Variants in PPARGC1A observed in about 807,000 individuals in gnomAD.
PPARGC1A encodes PPARG coactivator 1 alpha, also known as peroxisome proliferator-activated receptor gamma coactivator 1-alpha.
A neutral mutation model predicts 88.7 loss-of-function variants in PPARGC1A; 25 were observed. That is an observed-to-expected ratio of 0.28 (90% confidence interval 0.21 to 0.39). The LOEUF is 0.39. Among genes scored for constraint, PPARGC1A ranks in the 10% least tolerant of loss-of-function variants. PPARGC1A has a pLI of 1.00. For missense variants in PPARGC1A, 880 were observed against 968.7 expected (o/e 0.91, Z 1.22); for synonymous variants, 363 against 355.6 (o/e 1.02, Z -0.24).
the PPARGC1A span, among the ~76,000 whole-genome samples, chr4:24,305,709 G>C: frequency 3.3e-5 from 5 of 152,166 alleles, no homozygotes; most frequent in Non-Finnish European, 5.9e-5. Flanking sequence ...CTAATCGGGA[G>C]GCTGAGGCAG....
chr4:24,082,356 C>A, the PPARGC1A span, among the ~76,000 whole-genome samples: 1 of 152,140 alleles, frequency 6.6e-6, no homozygotes, highest in Non-Finnish European at 1.5e-5. Context: ...GAGAGAGGTG[C>A]CACGTGATCC....
the PPARGC1A span, among the ~76,000 whole-genome samples, chr4:24,453,241 G>C: frequency 6.6e-6 from 1 of 152,174 alleles, no homozygotes. Flanking sequence ...TTCAACCTTC[G>C]GAACTGTGAG....
chr4:23,872,873 T>G (rs1051714564), intron 2 of PPARGC1A, among the ~76,000 whole-genome samples: 4 of 152,160 alleles, frequency 2.6e-5, no homozygotes, highest in Non-Finnish European at 5.9e-5. Flanking sequence ...AACTGAGAGC[T>G]TTAGCCAGTG....
chr4:23,899,928 C>A (rs114836866), upstream of PPARGC1A, among the ~76,000 whole-genome samples: 264 of 151,984 alleles, frequency 1.7e-3, 1 homozygote, highest in African/African-American at 6.1e-3. Flanking sequence ...GTATCATATA[C>A]TTCGATAACA....
chr4:24,092,268 C>T, the PPARGC1A span, among the ~76,000 whole-genome samples: 206 of 152,130 alleles, frequency 1.4e-3, no homozygotes, highest in African/African-American at 4.6e-3. Context: ...AATCAGTATA[C>T]GAAATGATCA....
the PPARGC1A span, among the ~76,000 whole-genome samples, chr4:24,062,326 G>A: frequency 2.0e-5 from 3 of 152,152 alleles, no homozygotes; most frequent in East Asian, 1.9e-4. Flanking sequence ...GTTCAACTAG[G>A]TCAAATGTTT....
At chr4:24,385,402 C>A in the PPARGC1A span, among the ~76,000 whole-genome samples, 1 of 152,116 alleles carries the variant, frequency 6.6e-6, no homozygotes, top group Non-Finnish European at 1.5e-5. Context: ...CAGAGCAAAA[C>A]TGAAGGAGAC....
chr4:24,395,274 A>G, the PPARGC1A span, among the ~76,000 whole-genome samples: 1 of 152,248 alleles, frequency 6.6e-6, no homozygotes, highest in Non-Finnish European at 1.5e-5. Flanking sequence ...TATTATGTGT[A>G]ACTAATATTA....
the PPARGC1A span, among the ~76,000 whole-genome samples, chr4:24,093,139 A>C: frequency 4.5e-4 from 69 of 152,338 alleles, no homozygotes; most frequent in African/African-American, 1.5e-3. Flanking sequence ...TGATTTACAG[A>C]TAAAGAATCC....
chr4:24,375,398 C>T, the PPARGC1A span, among the ~76,000 whole-genome samples: 2 of 152,160 alleles, frequency 1.3e-5, no homozygotes, highest in Non-Finnish European at 2.9e-5. Flanking sequence ...GGGACTTACA[C>T]GGTGCAGTGT....
chr4:24,327,993 C>A, the PPARGC1A span, among the ~76,000 whole-genome samples: 1 of 152,216 alleles, frequency 6.6e-6, no homozygotes, highest in East Asian at 1.9e-4. Context: ...GAAGCTCCCC[C>A]ACTGAGCACC....
chr4:23,800,041 T>G (rs1718372157), intron 12 of PPARGC1A, among the ~76,000 whole-genome samples: 1 of 152,200 alleles, frequency 6.6e-6, no homozygotes, highest in Non-Finnish European at 1.5e-5. Context: ...TCTATTTAGC[T>G]TGTGGAGTGA....
chr4:24,199,346 C>T, the PPARGC1A span, among the ~76,000 whole-genome samples: 1 of 152,128 alleles, frequency 6.6e-6, no homozygotes, highest in African/African-American at 2.4e-5. Context: ...TGGAGACTAT[C>T]ACAGTCCAGT....
At chr4:24,416,374 A>G in the PPARGC1A span, among the ~76,000 whole-genome samples, 1 of 152,210 alleles carries the variant, frequency 6.6e-6, no homozygotes, top group African/African-American at 2.4e-5. Context: ...CCTGTGCAAA[A>G]TGAATTTGCC....
the PPARGC1A span, among the ~76,000 whole-genome samples, chr4:24,224,910 G>A: frequency 6.6e-6 from 1 of 152,176 alleles, no homozygotes; most frequent in Non-Finnish European, 1.5e-5. Context: ...CAAGTCATAT[G>A]GATATCTATA....
the PPARGC1A span, among the ~76,000 whole-genome samples, chr4:24,172,349 C>A: frequency 1.4e-5 from 2 of 148,028 alleles, no homozygotes; most frequent in African/African-American, 2.7e-5. Flanking sequence ...TCAAGGCATT[C>A]ATTCATTCAT....
the PPARGC1A span, among the ~76,000 whole-genome samples, chr4:24,279,196 G>C: frequency 6.6e-6 from 1 of 152,228 alleles, no homozygotes; most frequent in Admixed American, 6.5e-5. Context: ...ACAATCAAAG[G>C]GTATATGGCT....
At chr4:23,802,642 A>G (rs916588620) in intron 10 of PPARGC1A, among the ~76,000 whole-genome samples, 1 of 144,370 alleles carries the variant, frequency 6.9e-6, no homozygotes, top group Non-Finnish European at 1.5e-5. Flanking sequence ...GTGCCACTGC[A>G]CTTCAGCATG....
intron 7 of PPARGC1A, among the ~76,000 whole-genome samples, chr4:23,816,256 G>A (rs986109317): frequency 1.3e-5 from 2 of 152,138 alleles, no homozygotes; most frequent in African/African-American, 4.8e-5. Context: ...GCTTCCCTTT[G>A]TTAACAGCTG....
Sources: gnomAD v4.1 joint callset for allele counts (sites outside exome capture counted in the v4.1 genomes callset) on GRCh38, gnomAD v4.1.1 for gene constraint, MANE v1.5 for transcripts, NCBI Gene and HGNC (gene_info 2026-07-23, HGNC 2026-07-21) for gene names.